Variants in LHFPL3 observed in about 807,000 individuals in gnomAD.
LHFPL3 encodes the protein LHFPL tetraspan subfamily member 3 protein.
In LHFPL3, 5 loss-of-function variants were observed where a neutral mutation model predicts 19.3. The observed-to-expected ratio is 0.26, with a 90% CI of 0.14 to 0.54. The LOEUF (loss-of-function observed/expected upper bound fraction) is 0.54, where lower values mean the gene tolerates loss of function less well. LHFPL3 is among the 20% of genes least tolerant of loss of function. The probability of loss-of-function intolerance (pLI) is 0.94; values close to 1 mark genes in which losing one functional copy is unlikely to be tolerated. For synonymous variants in LHFPL3, 133 were observed against 126.2 expected (o/e 1.05, Z -0.36); for missense variants, 249 against 307.4 (o/e 0.81, Z 1.42).
intron 1 of LHFPL3, among the ~76,000 whole-genome samples, chr7:104,493,341 T>C (rs1473609058): frequency 6.6e-6 from 1 of 151,796 alleles, no homozygotes. Context: ...GATCCTTAGC[T>C]CCTGTCTTCT....
intron 1 of LHFPL3, among the ~76,000 whole-genome samples, chr7:104,669,781 C>T (rs569964390): frequency 9.9e-5 from 15 of 152,210 alleles, no homozygotes; most frequent in Admixed American, 8.5e-4. Context: ...ATTGCCAATA[C>T]AGCCAGAGAG....
intron 1 of LHFPL3, among the ~76,000 whole-genome samples, chr7:104,477,938 A>G (rs2115644480): frequency 6.6e-6 from 1 of 152,322 alleles, no homozygotes; most frequent in Admixed American, 6.5e-5. Context: ...ATTTACAAAA[A>G]GCACTAGGGG....
At chr7:104,515,464 A>G (rs893656295) in intron 1 of LHFPL3, among the ~76,000 whole-genome samples, 1 of 152,192 alleles carries the variant, frequency 6.6e-6, no homozygotes, top group Non-Finnish European at 1.5e-5. Context: ...AGATCACAAG[A>G]TGCAAATAAG....
At chr7:104,880,204 T>C (rs1404436309) in intron 2 of LHFPL3, among the ~76,000 whole-genome samples, 1 of 152,168 alleles carries the variant, frequency 6.6e-6, no homozygotes, top group Non-Finnish European at 1.5e-5. Flanking sequence ...CCTGGTGCCC[T>C]CATGGTAATG....
intron 1 of LHFPL3, among the ~76,000 whole-genome samples, chr7:104,682,553 A>C (rs1287927014): frequency 6.6e-6 from 1 of 152,168 alleles, no homozygotes; most frequent in Non-Finnish European, 1.5e-5. Flanking sequence ...CCCAACTCCT[A>C]CAATAATGGT....
intron 2 of LHFPL3, among the ~76,000 whole-genome samples, chr7:104,829,574 T>C (rs923481799): frequency 4.6e-5 from 7 of 151,398 alleles, no homozygotes; most frequent in Non-Finnish European, 7.4e-5. Context: ...AGTGAGAACA[T>C]GTGGTGTTTG....
intron 2 of LHFPL3, among the ~76,000 whole-genome samples, chr7:104,879,335 G>C (rs931647941): frequency 6.6e-6 from 1 of 152,138 alleles, no homozygotes; most frequent in African/African-American, 2.4e-5. Flanking sequence ...AGGATTGCTT[G>C]AGCCTGGGAG....
intron 1 of LHFPL3, among the ~76,000 whole-genome samples, chr7:104,678,427 GACC>G (rs1186269220): frequency 6.6e-6 from 1 of 152,114 alleles, no homozygotes; most frequent in African/African-American, 2.4e-5. Context: ...ACCCCAAGGT[GACC>G]ACTTAAAAGG....
intron 1 of LHFPL3, among the ~76,000 whole-genome samples, chr7:104,653,494 A>G (rs1292041103): frequency 6.6e-6 from 1 of 152,212 alleles, no homozygotes; most frequent in African/African-American, 2.4e-5. Flanking sequence ...GAGACCAGAT[A>G]GTAAATAATT....
intron 1 of LHFPL3, among the ~76,000 whole-genome samples, chr7:104,446,049 T>A (rs1287957669): frequency 6.6e-6 from 1 of 152,204 alleles, no homozygotes; most frequent in East Asian, 1.9e-4. Context: ...CACAGGATAA[T>A]TGTATAAAGC....
chr7:104,732,837 T>G (rs1157293793), intron 1 of LHFPL3, among the ~76,000 whole-genome samples: 1 of 152,236 alleles, frequency 6.6e-6, no homozygotes, highest in African/African-American at 2.4e-5. Context: ...TTTTAGATCT[T>G]TCCTGCTTTC....
chr7:104,852,558 A>C (rs2116617963), intron 2 of LHFPL3, among the ~76,000 whole-genome samples: 1 of 152,276 alleles, frequency 6.6e-6, no homozygotes. Flanking sequence ...GGAAGCTCTG[A>C]CTTTTATCTC....
At chr7:104,642,059 A>G (rs1584456966) in intron 1 of LHFPL3, among the ~76,000 whole-genome samples, 1 of 97,256 alleles carries the variant, frequency 1.0e-5, no homozygotes, top group Non-Finnish European at 2.1e-5. Context: ...TTTTTTTTTT[A>G]CAGAGTCTTG....
intron 1 of LHFPL3, among the ~76,000 whole-genome samples, chr7:104,540,195 G>A (rs1767579612): frequency 1.3e-5 from 2 of 152,108 alleles, no homozygotes; most frequent in Admixed American, 6.6e-5. Context: ...ATAGGAGAAT[G>A]AGATTGTAAC....
At chr7:104,878,690 A>G (rs1791992672) in intron 2 of LHFPL3, among the ~76,000 whole-genome samples, 1 of 152,216 alleles carries the variant, frequency 6.6e-6, no homozygotes, top group South Asian at 2.1e-4. Context: ...CTTGAAATCA[A>G]AAGCTAGAAA....
chr7:104,448,441 C>T (rs1361794711), intron 1 of LHFPL3, among the ~76,000 whole-genome samples: 2 of 152,136 alleles, frequency 1.3e-5, no homozygotes, highest in East Asian at 1.9e-4. Context: ...TTAGCCAATA[C>T]AGCAAAATGG....
At chr7:104,515,678 A>G (rs1793907046) in intron 1 of LHFPL3, among the ~76,000 whole-genome samples, 1 of 152,180 alleles carries the variant, frequency 6.6e-6, no homozygotes, top group South Asian at 2.1e-4. Flanking sequence ...AGAAGAGTTT[A>G]TTGGCATAAG....
intron 1 of LHFPL3, among the ~76,000 whole-genome samples, chr7:104,674,910 A>G (rs1389273950): frequency 6.6e-6 from 1 of 152,398 alleles, no homozygotes; most frequent in East Asian, 1.9e-4. Flanking sequence ...AGAAGATCTG[A>G]GAAATTCACA....
At chr7:104,769,404 A>C (rs953404165) in intron 2 of LHFPL3, among the ~76,000 whole-genome samples, 2 of 152,232 alleles carry the variant, frequency 1.3e-5, no homozygotes, top group Non-Finnish European at 2.9e-5. Context: ...TATTAAGTTG[A>C]ACCAGAGAAA....
Sources: gnomAD v4.1 joint callset for allele counts (sites outside exome capture counted in the v4.1 genomes callset) on GRCh38, gnomAD v4.1.1 for gene constraint, MANE v1.5 for transcripts, NCBI Gene and HGNC (gene_info 2026-07-23, HGNC 2026-07-21) for gene names.